Variants in CDC42BPA observed in about 807,000 individuals in gnomAD.
CDC42BPA encodes the protein CDC42 binding protein kinase alpha, also known as serine/threonine-protein kinase MRCK alpha.
CDC42BPA carries 80 observed loss-of-function variants against 223.5 expected under a neutral mutation model. The observed-to-expected ratio is 0.36, with a 90% CI of 0.30 to 0.43. The LOEUF (loss-of-function observed/expected upper bound fraction) is 0.43. CDC42BPA is among the 20% of genes least tolerant of loss of function. The pLI is 1.00. For missense variants in CDC42BPA, 1,743 were observed against 2,099.9 expected (o/e 0.83, Z 3.32); for synonymous variants, 694 against 718.6 (o/e 0.97, Z 0.55).
In CDC42BPA at chr1:227,193,906, C is replaced by T. The variant is rs201422232; in HGVS notation, c.479G>A (p.Gly160Glu). ...LYLVMDYYVGGDLLTLLSKFE... is the reference protein window; with the variant it reads ...LYLVMDYYVGEDLLTLLSKFE... ...TTTGCTGAGTAGAGTAAGCAAATCC[C>T]CACCAACATAATAATCCATAACCAG... The change falls in exon 5 of 37, where the codon GGG becomes GAG. Residue 160 changes from glycine to glutamate, a missense_variant. By Grantham distance (98) the Gly-to-Glu change is moderately conservative. Around this residue, in one of 6 missense-constraint regions of CDC42BPA, gnomAD observed 321 missense variants for 488.7 expected, o/e 0.66. Coordinates refer to ENST00000366766, the MANE Select transcript of CDC42BPA (RefSeq NM_001394014.1). 1 of 1,610,832 alleles carries T rather than the reference C, an allele frequency of 6.2e-7. No individual in the cohort carries two copies. The highest frequency in any genetic ancestry group is 2.2e-5 in the East Asian group (1 of 44,742).
chr1:227,050,999 T>C (rs990235961), intron 22 of CDC42BPA, among the ~76,000 whole-genome samples: 1 of 152,190 alleles, frequency 6.6e-6, no homozygotes, highest in Non-Finnish European at 1.5e-5. Context: ...CAAAAATGTA[T>C]AATCTCAAAA....
intron 9 of CDC42BPA, among the ~76,000 whole-genome samples, chr1:227,141,371 T>TA (rs1558595411): frequency 1.3e-5 from 2 of 152,178 alleles, no homozygotes; most frequent in Non-Finnish European, 1.5e-5. Flanking sequence ...TGTAAGCTGA[T>TA]AGAAATGATC....
intron 1 of CDC42BPA, among the ~76,000 whole-genome samples, chr1:227,298,991 A>G (rs1691185504): frequency 6.6e-6 from 1 of 152,216 alleles, no homozygotes; most frequent in Admixed American, 6.5e-5. Flanking sequence ...GCTGTAGAGT[A>G]GCATAAATAG....
At chr1:227,227,493 T>C (rs1677057154) in intron 2 of CDC42BPA, among the ~76,000 whole-genome samples, 1 of 152,332 alleles carries the variant, frequency 6.6e-6, no homozygotes, top group South Asian at 2.1e-4. Flanking sequence ...GAAGATCAGA[T>C]ACATTGAATT....
intron 1 of CDC42BPA, among the ~76,000 whole-genome samples, chr1:227,297,956 A>G (rs867874097): frequency 9.9e-6 from 1 of 100,960 alleles, no homozygotes; most frequent in Non-Finnish European, 2.2e-5. Flanking sequence ...GTGTGTGTGT[A>G]TATATACATA....
At chr1:227,152,302 C>T (rs907884684) in intron 6 of CDC42BPA, among the ~76,000 whole-genome samples, 2 of 152,070 alleles carry the variant, frequency 1.3e-5, no homozygotes, top group African/African-American at 4.8e-5. Flanking sequence ...ACTGACAAAT[C>T]CAAGGTCATA....
chr1:227,284,166 C>T (rs1200960810), intron 1 of CDC42BPA, among the ~76,000 whole-genome samples: 1 of 152,068 alleles, frequency 6.6e-6, no homozygotes, highest in Non-Finnish European at 1.5e-5. Context: ...CATCAAATGT[C>T]ATGATGGTAT....
intron 2 of CDC42BPA, among the ~76,000 whole-genome samples, chr1:227,229,886 T>G (rs545991417): frequency 6.6e-6 from 1 of 152,358 alleles, no homozygotes; most frequent in African/African-American, 2.4e-5. Context: ...TTATCTTTGG[T>G]TTTCAGAAGT....
chr1:227,113,484 C>A (rs1184638145), intron 12 of CDC42BPA, among the ~76,000 whole-genome samples: 1 of 152,114 alleles, frequency 6.6e-6, no homozygotes, highest in Non-Finnish European at 1.5e-5. Flanking sequence ...AATGAGCTCA[C>A]AACCACAGAT....
intron 16 of CDC42BPA, among the ~76,000 whole-genome samples, chr1:227,084,831 G>A (rs993625562): frequency 6.6e-6 from 1 of 151,652 alleles, no homozygotes; most frequent in Non-Finnish European, 1.5e-5. Flanking sequence ...GGGTAGGTCT[G>A]TGAGGGTGTC....
chr1:227,084,665 G>A (rs970233470), intron 16 of CDC42BPA, among the ~76,000 whole-genome samples: 4 of 151,554 alleles, frequency 2.6e-5, no homozygotes, highest in African/African-American at 9.7e-5. Flanking sequence ...TATGTTTGTA[G>A]AGATACCGTG....
intron 32 of CDC42BPA, among the ~76,000 whole-genome samples, chr1:227,017,396 T>C (rs1230559779): frequency 6.6e-6 from 1 of 152,226 alleles, no homozygotes; most frequent in Non-Finnish European, 1.5e-5. Flanking sequence ...TCCCTCCAGG[T>C]ATTGATTTCA....
intron 2 of CDC42BPA, 138 bp from the exon 3 acceptor site, chr1:227,213,357 A>T: frequency 1.9e-6 from 1 of 524,992 alleles, no homozygotes; most frequent in East Asian, 3.2e-5. Context: ...TAAGATCCTA[A>T]ATTAAATAAT....
At chr1:227,269,525 T>C (rs954446109) in intron 1 of CDC42BPA, among the ~76,000 whole-genome samples, 1 of 152,132 alleles carries the variant, frequency 6.6e-6, no homozygotes. Context: ...GATTTATCTA[T>C]ATGAAAACTT....
intron 11 of CDC42BPA, among the ~76,000 whole-genome samples, chr1:227,124,944 G>A (rs6674641): frequency 0.2 from 30,475 of 151,966 alleles, 3,163 homozygotes; most frequent in Middle Eastern, 0.26. Context: ...AGACGACTCC[G>A]AAATGTGAAG....
At chr1:227,183,098 C>T (rs963554215) in intron 5 of CDC42BPA, 2 of 152,166 alleles carry the variant, frequency 1.3e-5, no homozygotes, top group Admixed American at 6.5e-5. Context: ...ACCTTGTAAT[C>T]GTGTCAGTTA....
intron 3 of CDC42BPA, among the ~76,000 whole-genome samples, chr1:227,202,994 G>A (rs965681590): frequency 2.6e-5 from 4 of 151,988 alleles, no homozygotes; most frequent in Admixed American, 2.0e-4. Context: ...AATTTCAAAC[G>A]TATACAAGGG....
At chr1:227,149,491 C>G (rs1661327277) in intron 6 of CDC42BPA, among the ~76,000 whole-genome samples, 1 of 151,978 alleles carries the variant, frequency 6.6e-6, no homozygotes, top group Non-Finnish European at 1.5e-5. Flanking sequence ...CTCAGAAATC[C>G]CAACAAACAG....
intron 11 of CDC42BPA, among the ~76,000 whole-genome samples, chr1:227,127,899 A>T (rs575201633): frequency 2.0e-4 from 30 of 152,114 alleles, no homozygotes; most frequent in Non-Finnish European, 3.7e-4. Context: ...TTTTTGCCTA[A>T]AACTACCTTT....
Sources: gnomAD v4.1 joint callset for allele counts (sites outside exome capture counted in the v4.1 genomes callset) on GRCh38, gnomAD v4.1.1 for gene constraint, gnomAD v4.1.1 regional missense constraint, MANE v1.5 for transcripts, NCBI Gene and HGNC (gene_info 2026-07-23, HGNC 2026-07-21) for gene names.